Variants in ATP1A4 observed in about 807,000 individuals in gnomAD.
The protein encoded by ATP1A4 is ATPase Na+/K+ transporting subunit alpha 4.
Under a neutral mutation model 114.3 loss-of-function variants are expected in ATP1A4, and 90 were observed. The ratio of observed to expected loss-of-function variants is 0.79; its 90% CI spans 0.66 to 0.94. The LOEUF (loss-of-function observed/expected upper bound fraction) is 0.94. ATP1A4 is among the 40% of genes least tolerant of loss of function. ATP1A4 has a pLI of 0.00. For synonymous variants in ATP1A4, 511 were observed against 494.1 expected (o/e 1.03, Z -0.45); for missense variants, 1,222 against 1,313.6 (o/e 0.93, Z 1.08).
chr1:160,176,359 T>C (rs1210271633), intron 16 of ATP1A4, 113 bp downstream of exon 16: 2 of 1,583,752 alleles, frequency 1.3e-6, no homozygotes, highest in East Asian at 2.2e-5. Flanking sequence ...ATGATCCAGC[T>C]CTCGCACCTC....
intron 18 of ATP1A4, among the ~76,000 whole-genome samples, chr1:160,178,824 C>G (rs1353512441): frequency 6.6e-6 from 1 of 152,224 alleles, no homozygotes; most frequent in African/African-American, 2.4e-5. Context: ...GCCCTCTCCC[C>G]AACAATATGT....
chr1:160,177,040 G>A (rs1036528179), intron 17 of ATP1A4, among the ~76,000 whole-genome samples: 7 of 152,202 alleles, frequency 4.6e-5, no homozygotes, highest in African/African-American at 7.2e-5. Context: ...CAGGTTGGTA[G>A]AGCCCTTAGT....
At chr1:160,178,788 C>G (rs889727632) in intron 18 of ATP1A4, among the ~76,000 whole-genome samples, 10 of 152,184 alleles carry the variant, frequency 6.6e-5, no homozygotes, top group Non-Finnish European at 1.0e-4. Flanking sequence ...TTTCTAACAA[C>G]CAAGATGAAT....
At chr1:160,179,899 A>G (rs1443561689) in intron 18 of ATP1A4, among the ~76,000 whole-genome samples, 1 of 152,244 alleles carries the variant, frequency 6.6e-6, no homozygotes, top group Non-Finnish European at 1.5e-5. Flanking sequence ...AGATGGAATT[A>G]TAAAAATGCT....
chr1:160,172,776 T>C (rs900227180), intron 12 of ATP1A4, among the ~76,000 whole-genome samples: 6 of 152,182 alleles, frequency 3.9e-5, no homozygotes, highest in Non-Finnish European at 5.9e-5. Context: ...CTGTTGGCAG[T>C]TTGTCCAGGG....
At chr1:160,179,698 C>T (rs907538375) in intron 18 of ATP1A4, among the ~76,000 whole-genome samples, 2 of 152,178 alleles carry the variant, frequency 1.3e-5, no homozygotes, top group Non-Finnish European at 2.9e-5. Flanking sequence ...TGAGCATCTT[C>T]TATGTACCAG....
chr1:160,159,229 C>A, intron 5 of ATP1A4, 93 bp downstream of exon 5: 1 of 1,506,782 alleles, frequency 6.6e-7, no homozygotes, highest in South Asian at 1.3e-5. Flanking sequence ...AAGCTTATTA[C>A]TCAGAATCTT....
Position 160,171,431 on chromosome 1 carries a change from C to A in ATP1A4, c.1672C>A (p.Arg558Ser), listed in dbSNP as rs762637659. Reference sequence around the variant, plus strand: ...CTTAGAACTGGGAGGTCTGGGGGAACGTGTGCTAGGTGAGGAGCTTTGGGA... The same window carrying A: ...CTTAGAACTGGGAGGTCTGGGGGAAAGTGTGCTAGGTGAGGAGCTTTGGGA... ...AYLELGGLGE[R>S]VLGFCFLNLP... Residue 558 changes from arginine (R) to serine (S), a missense_variant, in exon 11 of 22, where the codon CGT (arginine) becomes AGT (serine). Physicochemically the swap from Arg to Ser is moderately radical, Grantham distance 110. Coordinates refer to ENST00000368081, the MANE Select transcript of ATP1A4 (RefSeq NM_144699.4). The A allele has an allele frequency of 1.2e-5, 20 of 1,613,766 alleles. No individual in the cohort carries two copies. Among genetic ancestry groups the A allele is most frequent in the Non-Finnish European group, 1.7e-5 (20 of 1,179,876 alleles).
At chr1:160,178,184 C>T (rs1044876784) in intron 18 of ATP1A4, among the ~76,000 whole-genome samples, 5 of 150,964 alleles carry the variant, frequency 3.3e-5, no homozygotes, top group Admixed American at 6.6e-5. Flanking sequence ...GGAGATACCC[C>T]GTCTCTACTA....
intron 20 of ATP1A4, chr1:160,183,281 G>A (rs1404541546): frequency 6.6e-6 from 1 of 152,206 alleles, no homozygotes; most frequent in East Asian, 1.9e-4. Flanking sequence ...AAAGCACCAA[G>A]CATGCTTAGG....
chr1:160,185,706 G>A (rs1217690141), intron 20 of ATP1A4, among the ~76,000 whole-genome samples: 1 of 151,700 alleles, frequency 6.6e-6, no homozygotes, highest in African/African-American at 2.4e-5. Context: ...GGATCACAAG[G>A]TCTGGAGTTC....
chr1:160,159,818 T>G (rs1263391169), intron 6 of ATP1A4, among the ~76,000 whole-genome samples: 1 of 152,232 alleles, frequency 6.6e-6, no homozygotes, highest in African/African-American at 2.4e-5. Context: ...TTATTAGCTA[T>G]TATTTTAGCT....
chr1:160,169,952 T>C (rs148640332), intron 10 of ATP1A4: 1 of 152,392 alleles, frequency 6.6e-6, no homozygotes, highest in East Asian at 1.9e-4. Context: ...TTTTGGATTG[T>C]ACTTCACAGT....
chr1:160,156,226 T>A, intron 4 of ATP1A4, 68 bp downstream of exon 4: 3 of 953,850 alleles, frequency 3.1e-6, no homozygotes, highest in Non-Finnish European at 5.1e-6. Flanking sequence ...AATGATGAAG[T>A]CCCGTGGAAA....
intron 10 of ATP1A4, 90 bp from the exon 11 acceptor site, chr1:160,171,160 AT>A: frequency 3.2e-6 from 4 of 1,256,470 alleles, no homozygotes; most frequent in Non-Finnish European, 3.3e-6. Flanking sequence ...TATGAAACAC[AT>A]TTTTTTACCT....
At position 160,174,493 on chromosome 1, in the gene ATP1A4, G is replaced by A. The variant is rs1405370411; in HGVS notation, c.2143-86G>A. 5 of 1,541,282 alleles carry A rather than the reference G, an allele frequency of 3.2e-6. No homozygotes were observed. In the Admixed American group the frequency reaches 5.7e-5, roughly 17 times the overall value. On this transcript the variant is annotated intron_variant, in intron 14 of 21. Coordinates refer to ENST00000368081, the MANE Select transcript of ATP1A4 (RefSeq NM_144699.4). The stretch of plus-strand genomic sequence containing the variant: ...CAAGCATGATTACATCAGGAAACAA[G>A]GGATGCAGAAAGCGTACTGATCTTT...
At chr1:160,166,507 C>A in intron 7 of ATP1A4, 21 bp from the exon 8 acceptor site, 1 of 1,613,790 alleles carries the variant, frequency 6.2e-7, no homozygotes, top group Non-Finnish European at 8.5e-7. Context: ...TGTGTATTCT[C>A]TCCTCTCTTC....
chr1:160,153,326 C>A, intron 2 of ATP1A4, 102 bp downstream of exon 2: 2 of 1,017,940 alleles, frequency 2.0e-6, no homozygotes, highest in Non-Finnish European at 3.0e-6. Flanking sequence ...AACTTCAAGT[C>A]CAACGTTCCC....
At chr1:160,166,430 A>G in intron 7 of ATP1A4, 98 bp from the exon 8 acceptor site, 1 of 1,455,614 alleles carries the variant, frequency 6.9e-7, no homozygotes, top group Non-Finnish European at 9.3e-7. Flanking sequence ...AAGTACAAAA[A>G]ATCAAAATAG....
Sources: allele counts gnomAD v4.1 joint callset (sites outside exome capture counted in the v4.1 genomes callset), GRCh38; gene constraint gnomAD v4.1.1; transcripts MANE v1.5; gene names NCBI Gene and HGNC (gene_info 2026-07-23, HGNC 2026-07-21).